Variants in RIPOR3 observed in about 807,000 individuals in gnomAD.
RIPOR3 encodes RIPOR family member 3.
Under a neutral mutation model 114.3 loss-of-function variants are expected in RIPOR3, and 95 were observed. The ratio of observed to expected loss-of-function variants is 0.83; its 90% CI spans 0.70 to 0.99. The LOEUF (loss-of-function observed/expected upper bound fraction) is 0.99, where lower values mean the gene tolerates loss of function less well. Among genes scored for constraint, RIPOR3 ranks in the 50% least tolerant of loss-of-function variants. The pLI, the probability that RIPOR3 is intolerant of heterozygous loss-of-function variation, is 0.00. For synonymous variants in RIPOR3, 575 were observed against 543.8 expected, an observed-to-expected ratio of 1.06 and a Z score of -0.80; for missense variants, 1,252 against 1,266.9, an observed-to-expected ratio of 0.99 and a Z score of 0.18.
At chr20:50,596,089 G>A (rs1250769053) in intron 15 of RIPOR3, 51 bp downstream of exon 15, 3 of 1,609,936 alleles carry the variant, frequency 1.9e-6, no homozygotes, top group East Asian at 4.5e-5. Context: ...TTGCAAAGAG[G>A]ACTCCAAACC....
intron 1 of RIPOR3, among the ~76,000 whole-genome samples, chr20:50,650,815 T>A (rs2426194): frequency 1.3e-5 from 2 of 151,956 alleles, no homozygotes; most frequent in African/African-American, 2.4e-5. Context: ...GCTCGACTTC[T>A]CTAACCCGTA....
chr20:50,641,878 C>T (rs6091192), intron 1 of RIPOR3, among the ~76,000 whole-genome samples: 43,877 of 151,912 alleles, frequency 0.29, 7,669 homozygotes, highest in African/African-American at 0.5. Context: ...ACTTAACCCT[C>T]CCAATGCAGG....
chr20:50,649,387 G>A (rs2085523196), intron 1 of RIPOR3, among the ~76,000 whole-genome samples: 1 of 152,212 alleles, frequency 6.6e-6, no homozygotes, highest in African/African-American at 2.4e-5. Flanking sequence ...AGAGTTTGTA[G>A]TGGGCTGAGA....
rs1180115762 is a variant in RIPOR3 at position 50,602,603 on chromosome 20, A to C, written c.1128T>G (p.Gly376=). 3 of 1,500,136 alleles carry C rather than the reference A, an allele frequency of 2.0e-6. No homozygotes were observed. Among genetic ancestry groups the C allele is most frequent in the Non-Finnish European group, 1.8e-6 (2 of 1,123,958 alleles). The allele number at this position is 1,500,136 out of a possible 1,614,324, so 92.9% of individuals were successfully genotyped here. Residue 376 remains glycine, a synonymous_variant, in exon 13 of 22, where the codon GGT becomes GGG. Transcript: ENST00000327979. The surrounding 1 kb of genome is among the most constrained non-coding windows in gnomAD (Gnocchi z 4.3). ...TGAGGATGGAGGTGGCCCTTGGGCCACCCAGCAGCAAGGCCTGCTGTGTTG... is the reference window on the plus strand; with the variant it reads ...TGAGGATGGAGGTGGCCCTTGGGCCCCCCAGCAGCAAGGCCTGCTGTGTTG... The part of the protein sequence containing the change: ...QQPTQQALLL[G]GPRATSILSY...
intron 1 of RIPOR3, among the ~76,000 whole-genome samples, chr20:50,665,611 GGGGTTTCCTCAT>G (rs1439257534): frequency 6.6e-5 from 10 of 151,948 alleles, no homozygotes; most frequent in Admixed American, 6.6e-5. Flanking sequence ...TAGTAGAGAT[GGGGTTTCCTCAT>G]GTTGGCCAGG....
chr20:50,596,033 A>C (rs555201747), intron 15 of RIPOR3, 107 bp downstream of exon 15: 6 of 1,489,040 alleles, frequency 4.0e-6, no homozygotes, highest in Non-Finnish European at 4.6e-6. Context: ...TCCAGGATGC[A>C]GGTCTGTCAC....
At chr20:50,626,925 A>G (rs927473741) in intron 2 of RIPOR3, among the ~76,000 whole-genome samples, 3 of 151,730 alleles carry the variant, frequency 2.0e-5, no homozygotes, top group African/African-American at 7.3e-5. Context: ...GAGGCAGGAG[A>G]ATCACTTGAA....
intron 2 of RIPOR3, among the ~76,000 whole-genome samples, chr20:50,628,083 C>A (rs2084686418): frequency 6.6e-6 from 1 of 152,202 alleles, no homozygotes; most frequent in African/African-American, 2.4e-5. Flanking sequence ...CTGATAAAGC[C>A]CAGGAAGAGG....
At chr20:50,601,740 C>T (rs762321259) in intron 13 of RIPOR3, among the ~76,000 whole-genome samples, 1 of 152,118 alleles carries the variant, frequency 6.6e-6, no homozygotes, top group African/African-American at 2.4e-5. Flanking sequence ...GAGCCAGCTG[C>T]GACCCTGACA....
chr20:50,602,955 T>C lies in RIPOR3; in HGVS notation c.1087-311A>G, dbSNP rs1174442718. ...ACTGACTGTGCTCTCGTCAGAACAC[T>C]CTTCCCCATGTGCCTTCATGGCTTG... On this transcript the variant is annotated intron_variant, in intron 12 of 21. Transcript: ENST00000327979. The surrounding 1 kb of genome is among the most constrained non-coding windows in gnomAD (Gnocchi z 4.3). 6.6e-6 allele frequency among the ~76,000 whole-genome samples: 1 copy of C among 152,190 alleles called. No homozygotes were observed. The highest frequency in any genetic ancestry group is 1.9e-4 in the East Asian group (1 of 5,186).
chr20:50,651,176 G>A (rs890068560), intron 1 of RIPOR3, among the ~76,000 whole-genome samples: 1 of 152,048 alleles, frequency 6.6e-6, no homozygotes, highest in Non-Finnish European at 1.5e-5. Context: ...AGGCTTTGGA[G>A]GTGAAGGTGG....
intron 1 of RIPOR3, among the ~76,000 whole-genome samples, chr20:50,686,558 G>C (rs1298079797): frequency 6.6e-6 from 1 of 151,894 alleles, no homozygotes; most frequent in Non-Finnish European, 1.5e-5. Context: ...AGACCAGCCT[G>C]ACCAATATGG....
intron 1 of RIPOR3, among the ~76,000 whole-genome samples, chr20:50,671,143 G>T (rs2086465654): frequency 6.6e-6 from 1 of 152,028 alleles, no homozygotes; most frequent in South Asian, 2.1e-4. Context: ...TATTTTAGTT[G>T]TTTAGGGTTA....
chr20:50,669,179 A>G (rs2123511811), intron 1 of RIPOR3, among the ~76,000 whole-genome samples: 1 of 152,124 alleles, frequency 6.6e-6, no homozygotes. Flanking sequence ...ACATGCACAT[A>G]CACACTCCCC....
chr20:50,594,595 G>A lies in RIPOR3; in HGVS notation c.2170C>T (p.Gln724Ter). The stretch of plus-strand genomic sequence containing the variant: ...GGGTACTTCCCTCTGACTCTGTGCT[G>A]GAAGGTTTTCTTGAGCTGGTTCAGC... ...TLLNQLKKTF[Q>*]HRVRGKYPGQ... The change falls in exon 17 of 22, where the codon CAG (glutamine) becomes TAG (stop). Residue 724 changes from glutamine to a stop codon, truncating the protein, a stop_gained. Transcript: ENST00000327979. LOFTEE classifies it high-confidence loss of function. 1 of 1,614,106 alleles carries A rather than the reference G, an allele frequency of 6.2e-7. No individual in the cohort carries two copies. Among genetic ancestry groups the A allele is most frequent in the Non-Finnish European group, 8.5e-7 (1 of 1,180,024 alleles).
In RIPOR3 at chr20:50,640,487, C is replaced by T. The variant is rs147803884; in HGVS notation, c.4-9631G>A. On this transcript the variant is annotated intron_variant, in intron 1 of 21. Coordinates refer to ENST00000327979, the MANE Select transcript of RIPOR3 (RefSeq NM_001290268.2). ...AAGACGCCTGAGCTTGGTGAACACA[C>T]GCACTGGTCAGGCTTAGCTCCATGC... 2.1e-3 allele frequency among the ~76,000 whole-genome samples: 316 copies of T among 148,962 alleles called. 10 individuals are homozygous for T. The highest frequency in any genetic ancestry group is 7.6e-3 in the African/African-American group (306 of 40,390).
intron 2 of RIPOR3, among the ~76,000 whole-genome samples, chr20:50,622,151 A>G (rs1189590643): frequency 6.6e-6 from 1 of 151,712 alleles, no homozygotes; most frequent in Non-Finnish European, 1.5e-5. Flanking sequence ...CATGGTGGAA[A>G]TGACTCTTAG....
intron 1 of RIPOR3, among the ~76,000 whole-genome samples, chr20:50,679,004 C>A (rs1328021578): frequency 6.9e-6 from 1 of 145,290 alleles, no homozygotes; most frequent in Non-Finnish European, 1.5e-5. Context: ...ATTCAGGAAG[C>A]CAAGGTGGGA....
intron 20 of RIPOR3, among the ~76,000 whole-genome samples, 171 bp from the exon 21 acceptor site, chr20:50,588,063 C>T (rs569984879): frequency 2.6e-5 from 4 of 152,234 alleles, no homozygotes; most frequent in Non-Finnish European, 5.9e-5. Context: ...TGAGAGGCAC[C>T]TCTGGACTCT....
Sources: gnomAD v4.1 joint callset for allele counts (sites outside exome capture counted in the v4.1 genomes callset) on GRCh38, gnomAD v4.1.1 for gene constraint, Gnocchi (gnomAD v3.1) non-coding constraint, MANE v1.5 for transcripts, NCBI Gene and HGNC (gene_info 2026-07-23, HGNC 2026-07-21) for gene names.